GULP1: variants seen among roughly 807,000 people sequenced by gnomAD.
The protein encoded by GULP1 is GULP PTB domain containing engulfment adaptor 1.
A neutral mutation model predicts 40.9 loss-of-function variants in GULP1; 19 were observed. That is an observed-to-expected ratio of 0.46 (90% CI 0.32 to 0.68). The LOEUF is 0.68. GULP1 is among the 30% of genes least tolerant of loss of function. GULP1 has a pLI of 0.03. For synonymous variants in GULP1, 119 were observed against 117.6 expected (o/e 1.01, Z -0.08); for missense variants, 312 against 362.2 (o/e 0.86, Z 1.12).
At chr2:188,521,228 T>C (rs1453065815) in intron 4 of GULP1, among the ~76,000 whole-genome samples, 1 of 152,182 alleles carries the variant, frequency 6.6e-6, no homozygotes, top group Non-Finnish European at 1.5e-5. Context: ...AAAACCTGTA[T>C]ATTTCAATTC....
chr2:188,390,816 G>C (rs1353748655), intron 2 of GULP1, among the ~76,000 whole-genome samples: 1 of 151,932 alleles, frequency 6.6e-6, no homozygotes, highest in Non-Finnish European at 1.5e-5. Context: ...TAGGGATCCA[G>C]TTTCACTCTT....
chr2:188,348,034 C>G (rs2043925289), intron 1 of GULP1, among the ~76,000 whole-genome samples: 1 of 152,102 alleles, frequency 6.6e-6, no homozygotes, highest in Non-Finnish European at 1.5e-5. Context: ...TGAAAATATT[C>G]TAGATGTAGT....
chr2:188,433,727 ACT>A (rs1056821939), intron 2 of GULP1, among the ~76,000 whole-genome samples: 3 of 151,812 alleles, frequency 2.0e-5, no homozygotes, highest in Admixed American at 6.6e-5. Flanking sequence ...AAGAAACCAA[ACT>A]CTGTCAAATA....
chr2:188,526,470 A>T (rs1469928167), intron 5 of GULP1, among the ~76,000 whole-genome samples: 1 of 152,194 alleles, frequency 6.6e-6, no homozygotes, highest in East Asian at 1.9e-4. Context: ...ATATAATGTT[A>T]TGTAGATTGA....
At chr2:188,515,253 C>T (rs2065056667) in intron 4 of GULP1, among the ~76,000 whole-genome samples, 1 of 152,096 alleles carries the variant, frequency 6.6e-6, no homozygotes, top group African/African-American at 2.4e-5. Context: ...ATGATTCCCC[C>T]TGCCATTTCC....
In GULP1 at chr2:188,466,294, C is replaced by G. The variant is rs201570308; in HGVS notation, c.-44-11365C>G. Among the ~76,000 whole-genome samples the G allele has an allele frequency of 7.4e-5, 11 of 149,534 alleles. No individual in the cohort carries two copies. The East Asian group carries it at 2.1e-3, about 29-fold the overall frequency. On this transcript the variant is annotated intron_variant, in intron 2 of 11. Coordinates refer to ENST00000409830, the MANE Select transcript of GULP1 (RefSeq NM_016315.4). ...GACCTCAGTGGCTGGTTTTTTTTTC[C>G]CCCCCCGGAGTCTTGCTCTGTCACC...
rs141987869 is a variant in GULP1 at position 188,456,362 on chromosome 2, G to A, written c.-44-21297G>A. ...TTTCTGGGCTGGGCCTGAGGTCCCC[G>A]TGCTGTGTGCAGCCTAGGAACTTGG... On this transcript the variant is annotated intron_variant, in intron 2 of 11. Transcript: ENST00000409830. Among the ~76,000 whole-genome samples, 661 of 152,250 alleles carry A rather than the reference G, an allele frequency of 4.3e-3. 7 individuals carry two copies. The highest frequency in any genetic ancestry group is 0.015 in the African/African-American group (632 of 41,544).
chr2:188,440,126 G>A (rs2057783185), intron 2 of GULP1, among the ~76,000 whole-genome samples: 2 of 152,140 alleles, frequency 1.3e-5, no homozygotes, highest in Non-Finnish European at 2.9e-5. Context: ...GGCCACAAAT[G>A]TGGTTCTAAT....
chr2:188,463,237 G>A (rs781155652), intron 2 of GULP1, among the ~76,000 whole-genome samples: 3 of 152,046 alleles, frequency 2.0e-5, no homozygotes, highest in Non-Finnish European at 4.4e-5. Context: ...TTGTTTGTCT[G>A]GTAAAAGGTT....
At chr2:188,529,318 G>T in intron 6 of GULP1, 123 bp downstream of exon 6, 1 of 519,696 alleles carries the variant, frequency 1.9e-6, no homozygotes, top group Non-Finnish European at 3.4e-6. Flanking sequence ...ATGACAGTTC[G>T]AAACTCTAGG....
chr2:188,495,159 C>T (rs2062782711), intron 4 of GULP1, among the ~76,000 whole-genome samples: 1 of 152,062 alleles, frequency 6.6e-6, no homozygotes. Flanking sequence ...ATGACTAATA[C>T]CTTACTTTCA....
intron 7 of GULP1, 121 bp downstream of exon 7, chr2:188,541,439 G>T (rs765955004): frequency 2.5e-5 from 22 of 863,764 alleles, no homozygotes; most frequent in Non-Finnish European, 3.8e-5. Context: ...TCTGTAAAAA[G>T]TCTGTAAATA....
intron 4 of GULP1, among the ~76,000 whole-genome samples, chr2:188,492,281 A>G (rs183996780): frequency 6.6e-6 from 1 of 152,240 alleles, no homozygotes. Context: ...TGAAAACACA[A>G]TATGTGCTAA....
rs144304845 is a variant in GULP1 at position 188,458,261 on chromosome 2, C to T, written c.-44-19398C>T. On this transcript the variant is annotated intron_variant, in intron 2 of 11. Coordinates refer to ENST00000409830, the MANE Select transcript of GULP1 (RefSeq NM_016315.4). ...CAAAGAACTTCTTCTTGCATTTATGCTCTCTCTTTTCTGTATCACCAGTTT... is the reference window on the plus strand; with the variant it reads ...CAAAGAACTTCTTCTTGCATTTATGTTCTCTCTTTTCTGTATCACCAGTTT... Among the ~76,000 whole-genome samples the T allele has an allele frequency of 2.5e-3, 383 of 152,182 alleles. 3 individuals carry two copies. Among genetic ancestry groups the T allele is most frequent in the African/African-American group, 8.8e-3 (364 of 41,516 alleles).
chr2:188,335,930 G>A lies in GULP1; in HGVS notation c.-172+43764G>A, dbSNP rs148652288. 2.3e-3 allele frequency among the ~76,000 whole-genome samples: 351 copies of A among 152,296 alleles called. 1 individual carries two copies. Among genetic ancestry groups the A allele is most frequent in the African/African-American group, 8.0e-3 (331 of 41,570 alleles). On this transcript the variant is annotated intron_variant, in intron 1 of 11. Transcript: ENST00000409830. ...GCTTTCTGATTTAGATTATGTTACA[G>A]ATATGTCTCCCTTAGCATATTATTA...
At chr2:188,530,957 G>A (rs1027392514) in intron 6 of GULP1, among the ~76,000 whole-genome samples, 5 of 152,046 alleles carry the variant, frequency 3.3e-5, no homozygotes, top group African/African-American at 1.2e-4. Flanking sequence ...CAGTATAAAA[G>A]CCAAAAGAGG....
intron 1 of GULP1, among the ~76,000 whole-genome samples, chr2:188,354,928 A>G (rs192236214): frequency 5.4e-4 from 83 of 152,334 alleles, no homozygotes; most frequent in Non-Finnish European, 1.1e-3. Context: ...GAATTTGACA[A>G]CATGCTACTG....
At chr2:188,410,113 A>G (rs895393044) in intron 2 of GULP1, among the ~76,000 whole-genome samples, 2 of 152,220 alleles carry the variant, frequency 1.3e-5, no homozygotes, top group East Asian at 3.8e-4. Flanking sequence ...TATCTTCAAT[A>G]AACAGTGCTG....
Position 188,481,062 on chromosome 2 carries a change from C to T in GULP1, c.29-2369C>T, listed in dbSNP as rs115538365. Among the ~76,000 whole-genome samples the T allele has an allele frequency of 5.5e-3, 839 of 151,868 alleles. 6 individuals are homozygous for T. The highest frequency in any genetic ancestry group is 0.024 in the Middle Eastern group (7 of 292). On this transcript the variant is annotated intron_variant, in intron 3 of 11. Transcript: ENST00000409830. ...TCTTAATCTAGATGCATTTTGAAAA[C>T]CTAAATTTATTGACCCAGCAATCAG...
Sources: allele counts gnomAD v4.1 joint callset (sites outside exome capture counted in the v4.1 genomes callset), GRCh38; gene constraint gnomAD v4.1.1; transcripts MANE v1.5; gene names NCBI Gene and HGNC (gene_info 2026-07-23, HGNC 2026-07-21).